The following USP28 variants were observed in gnomAD, a reference collection of about 807,000 sequenced individuals.
USP28 encodes the protein ubiquitin specific peptidase 28, also known as ubiquitin carboxyl-terminal hydrolase 28.
A neutral mutation model predicts 145.0 loss-of-function variants in USP28; 113 were observed. The observed-to-expected ratio is 0.78, with a 90% CI of 0.67 to 0.91. USP28 has a LOEUF of 0.91. USP28 is among the 40% of genes least tolerant of loss of function. The pLI is 0.00. For synonymous variants in USP28, 447 were observed against 450.9 expected, an observed-to-expected ratio of 0.99 and a Z score of 0.11; for missense variants, 1,201 against 1,289.6, an observed-to-expected ratio of 0.93 and a Z score of 1.05.
chr11:113,840,739 A>G lies in USP28; in HGVS notation c.393T>C (p.Ser131=), dbSNP rs761653603. ...TTCTCTTTGAGCGTTTAGTTTCTGC[A>G]GAGGTTGCTTCATGCATCCTATATT... The change falls in exon 5 of 25, where the codon TCT becomes TCC. Residue 131 remains serine (S), a synonymous_variant. Transcript: ENST00000003302. The G allele has an allele frequency of 1.1e-5, 18 of 1,614,058 alleles. No individual in the cohort carries two copies. The East Asian group carries it at 1.6e-4, about 14-fold the overall frequency.
chr11:113,844,590 C>T (rs1945610981), intron 3 of USP28, among the ~76,000 whole-genome samples: 2 of 152,134 alleles, frequency 1.3e-5, no homozygotes, highest in African/African-American at 4.8e-5. Context: ...CAAAAATGGG[C>T]AGAAAATCTG....
chr11:113,845,775 A>T (rs1945766230), intron 3 of USP28, among the ~76,000 whole-genome samples: 1 of 152,162 alleles, frequency 6.6e-6, no homozygotes, highest in Non-Finnish European at 1.5e-5. Flanking sequence ...GGGATTCACC[A>T]TATTGCCCTG....
At chr11:113,799,200 G>A (rs190016565) in exon 25 of USP28, 2 of 1,586,600 alleles carry the variant, frequency 1.3e-6, no homozygotes, top group Admixed American at 1.8e-5. Context: ...GCAAGAGGCA[G>A]GCAGCCAGGA....
chr11:113,809,124 G>T lies in USP28; in HGVS notation c.2103C>A (p.Cys701Ter). The change falls in exon 17 of 25, where the codon TGC becomes TGA. Residue 701 changes from cysteine to a stop codon, truncating the protein, a stop_gained. Transcript: ENST00000003302. LOFTEE classifies it high-confidence loss of function. ...TGGAGGACTCCATTTGAGGGATTTT[G>T]CAAGACTGCTCTTCTTCCCACTCCT... The T allele has an allele frequency of 6.2e-7, 1 of 1,614,168 alleles. No individual in the cohort carries two copies. Among genetic ancestry groups the T allele is most frequent in the Non-Finnish European group, 8.5e-7 (1 of 1,180,028 alleles).
At chr11:113,828,941 C>A (rs1242618731) in intron 10 of USP28, 2 of 615,514 alleles carry the variant, frequency 3.2e-6, no homozygotes, top group Non-Finnish European at 6.0e-6. Context: ...AAGAGAGAAA[C>A]TTGATCATAC....
At chr11:113,869,453 C>T (rs1490360313) in intron 1 of USP28, among the ~76,000 whole-genome samples, 1 of 151,900 alleles carries the variant, frequency 6.6e-6, no homozygotes, top group Non-Finnish European at 1.5e-5. Context: ...ACAAAAGTAG[C>T]CAGGTGTGGT....
chr11:113,811,253 T>G (rs1940937658), intron 16 of USP28, among the ~76,000 whole-genome samples: 1 of 152,222 alleles, frequency 6.6e-6, no homozygotes, highest in Non-Finnish European at 1.5e-5. Context: ...CTTTCCCTCC[T>G]TTTCACAGCT....
chr11:113,825,552 T>C (rs1440812466), intron 11 of USP28, among the ~76,000 whole-genome samples: 2 of 152,254 alleles, frequency 1.3e-5, no homozygotes, highest in African/African-American at 4.8e-5. Flanking sequence ...ATGTGAATGT[T>C]CATGGCAGCT....
At chr11:113,829,557 G>A (rs1434983306) in intron 9 of USP28, 6 of 563,888 alleles carry the variant, frequency 1.1e-5, no homozygotes, top group South Asian at 6.8e-5. Flanking sequence ...CAGGGGCTTC[G>A]TGGCTTATGC....
intron 1 of USP28, among the ~76,000 whole-genome samples, chr11:113,857,447 GTTTT>G (rs1171611439): frequency 6.6e-6 from 1 of 151,960 alleles, no homozygotes; most frequent in South Asian, 2.1e-4. Flanking sequence ...AGGTTTTTTG[GTTTT>G]TTTGTTTTGT....
chr11:113,823,600 C>A lies in USP28; in HGVS notation c.1283+5G>T. ...TTTCTAAGCATGAAGGTGTCCAAAA[C>A]TCACCTTTCCAATTTTTGCTGCAGA... On this transcript the variant is annotated splice_donor_5th_base_variant and intron_variant, in intron 12 of 24. Transcript: ENST00000003302. The A allele has an allele frequency of 6.2e-7, 1 of 1,605,100 alleles. No individual in the cohort carries two copies. The highest frequency in any genetic ancestry group is 8.5e-7 in the Non-Finnish European group (1 of 1,174,090).
chr11:113,872,785 T>C (rs1948960235), intron 1 of USP28, among the ~76,000 whole-genome samples: 1 of 152,210 alleles, frequency 6.6e-6, no homozygotes, highest in African/African-American at 2.4e-5. Context: ...ACAGTAAATT[T>C]TGCTGCTATC....
chr11:113,869,244 C>T (rs1365807677), intron 1 of USP28, among the ~76,000 whole-genome samples: 2 of 152,104 alleles, frequency 1.3e-5, no homozygotes, highest in African/African-American at 4.8e-5. Flanking sequence ...ACCAGCCTGG[C>T]CAACATGGTG....
intron 3 of USP28, among the ~76,000 whole-genome samples, chr11:113,852,038 T>C (rs1024001139): frequency 2.0e-5 from 3 of 152,176 alleles, no homozygotes; most frequent in African/African-American, 2.4e-5. Flanking sequence ...ACTTTTTTTT[T>C]CTTTTTAAGA....
At chr11:113,813,683 T>C (rs1941322880) in intron 15 of USP28, 1 of 560,574 alleles carries the variant, frequency 1.8e-6, no homozygotes, top group African/African-American at 1.9e-5. Context: ...AACAAGTATG[T>C]GTTAGGTCCT....
At chr11:113,856,569 G>A (rs1219106462) in intron 1 of USP28, among the ~76,000 whole-genome samples, 1 of 152,178 alleles carries the variant, frequency 6.6e-6, no homozygotes, top group Admixed American at 6.5e-5. Context: ...CTGAGGCACA[G>A]AGAGATTAAC....
intron 3 of USP28, among the ~76,000 whole-genome samples, chr11:113,851,234 C>A (rs1299200581): frequency 6.6e-6 from 1 of 152,298 alleles, no homozygotes; most frequent in East Asian, 1.9e-4. Flanking sequence ...ACACCACAGT[C>A]AGAGTGATGG....
At chr11:113,847,143 A>C (rs1945949113) in intron 3 of USP28, among the ~76,000 whole-genome samples, 1 of 152,186 alleles carries the variant, frequency 6.6e-6, no homozygotes, top group East Asian at 1.9e-4. Context: ...TGAAAATGCT[A>C]AGTGAGAAAC....
chr11:113,799,354 G>A (rs372318629), exon 25 of USP28: 10 of 1,614,102 alleles, frequency 6.2e-6, no homozygotes, highest in African/African-American at 1.3e-5. Context: ...TCAAGACGAT[G>A]ATTTCTGCAG....
Sources: gnomAD v4.1 joint callset for allele counts (sites outside exome capture counted in the v4.1 genomes callset) on GRCh38, gnomAD v4.1.1 for gene constraint, MANE v1.5 for transcripts, NCBI Gene and HGNC (gene_info 2026-07-23, HGNC 2026-07-21) for gene names.